Variants in UNC5C observed in about 807,000 individuals in gnomAD.
UNC5C encodes the protein netrin receptor UNC5C.
Under a neutral mutation model 99.8 loss-of-function variants are expected in UNC5C, and 47 were observed. The ratio of observed to expected loss-of-function variants is 0.47; its 90% CI spans 0.37 to 0.60. UNC5C has a LOEUF of 0.60. Among genes scored for constraint, UNC5C ranks in the 20% least tolerant of loss-of-function variants. UNC5C has a pLI of 0.00. For missense variants in UNC5C, 1,062 were observed against 1,165.9 expected, an observed-to-expected ratio of 0.91 and a Z score of 1.30; for synonymous variants, 487 against 452.2, an observed-to-expected ratio of 1.08 and a Z score of -0.98.
chr4:95,539,282 G>C (rs1044167634), intron 1 of UNC5C, among the ~76,000 whole-genome samples: 1 of 152,142 alleles, frequency 6.6e-6, no homozygotes, highest in South Asian at 2.1e-4. Flanking sequence ...TCTCCTCCAC[G>C]GCTTTGAAAC....
chr4:95,207,548 T>C (rs1355175961), intron 10 of UNC5C, among the ~76,000 whole-genome samples: 2 of 152,164 alleles, frequency 1.3e-5, no homozygotes, highest in Admixed American at 1.3e-4. Context: ...TGTGAAGATA[T>C]AGTTCCAAAG....
intron 1 of UNC5C, among the ~76,000 whole-genome samples, chr4:95,394,987 T>G (rs1032277017): frequency 1.3e-5 from 2 of 152,202 alleles, no homozygotes; most frequent in African/African-American, 4.8e-5. Flanking sequence ...GTAGGTCAAC[T>G]AGAATTAACT....
chr4:95,374,807 C>T (rs1744845272), intron 1 of UNC5C, among the ~76,000 whole-genome samples: 1 of 151,856 alleles, frequency 6.6e-6, no homozygotes, highest in Non-Finnish European at 1.5e-5. Context: ...ATGAAAGAAG[C>T]AGAAAAGTAT....
At chr4:95,345,298 G>A (rs1743729920) in intron 1 of UNC5C, among the ~76,000 whole-genome samples, 1 of 151,818 alleles carries the variant, frequency 6.6e-6, no homozygotes. Flanking sequence ...TTCAGCAAGA[G>A]GGCATAACAA....
At chr4:95,536,665 C>T (rs1722790935) in intron 1 of UNC5C, among the ~76,000 whole-genome samples, 1 of 151,776 alleles carries the variant, frequency 6.6e-6, no homozygotes, top group Admixed American at 6.6e-5. Flanking sequence ...TTATGCAATA[C>T]AAAAGGAAAA....
chr4:95,389,030 AAAGCTGCCCT>A (rs926801856), intron 1 of UNC5C, among the ~76,000 whole-genome samples: 6 of 152,298 alleles, frequency 3.9e-5, no homozygotes, highest in African/African-American at 1.4e-4. Context: ...AATGCTGCAA[AAAGCTGCCCT>A]AAGCATATTC....
At chr4:95,415,983 C>T (rs947459030) in intron 1 of UNC5C, among the ~76,000 whole-genome samples, 1 of 151,648 alleles carries the variant, frequency 6.6e-6, no homozygotes, top group Non-Finnish European at 1.5e-5. Context: ...TCCCCAACTT[C>T]AAAGCTAATC....
chr4:95,525,011 A>G (rs541654198), intron 1 of UNC5C, among the ~76,000 whole-genome samples: 1 of 152,278 alleles, frequency 6.6e-6, no homozygotes, highest in South Asian at 2.1e-4. Context: ...AAATGATGCC[A>G]AATTAATGGG....
intron 3 of UNC5C, among the ~76,000 whole-genome samples, chr4:95,299,688 G>C (rs1198052986): frequency 6.6e-6 from 1 of 152,158 alleles, no homozygotes; most frequent in Admixed American, 6.5e-5. Context: ...CATGGTGGCA[G>C]GCAAGAGGGC....
At chr4:95,199,269 C>G (rs12646399) in intron 12 of UNC5C, among the ~76,000 whole-genome samples, 4 of 152,222 alleles carry the variant, frequency 2.6e-5, no homozygotes, top group African/African-American at 9.6e-5. Context: ...GCTTTTTGAG[C>G]TAATCAGCCC....
At chr4:95,521,197 T>C (rs369704226) in intron 1 of UNC5C, among the ~76,000 whole-genome samples, 6 of 130,938 alleles carry the variant, frequency 4.6e-5, no homozygotes, top group African/African-American at 2.0e-4. Context: ...TCTCTTCTTC[T>C]TCTTTTTTTT....
intron 10 of UNC5C, among the ~76,000 whole-genome samples, chr4:95,212,777 C>A (rs2149364851): frequency 6.6e-6 from 1 of 152,352 alleles, no homozygotes; most frequent in Non-Finnish European, 1.5e-5. Context: ...GTGCCCCAGG[C>A]TTGATTCTTG....
rs759996197 is a variant in UNC5C, at chr4:95,220,191, G to A, written c.1109-15C>T. 5.0e-6 allele frequency: 8 copies of A among 1,604,270 alleles called. No homozygotes were observed. The highest frequency in any genetic ancestry group is 5.1e-6 in the Non-Finnish European group (6 of 1,174,230). ...ATCAGGAGCAGCTAGAGAGGAGAGT[G>A]AAACATTGAACCAGCTGCTTATAGA... On this transcript the variant is annotated splice_polypyrimidine_tract_variant and intron_variant, in intron 7 of 15. Transcript: ENST00000453304.
chr4:95,354,126 T>C (rs1320647824), intron 1 of UNC5C, among the ~76,000 whole-genome samples: 1 of 152,172 alleles, frequency 6.6e-6, no homozygotes, highest in African/African-American at 2.4e-5. Context: ...TCTGTTTCTT[T>C]CTGTTTCGGA....
Position 95,163,239 on chromosome 4 carries a change from T to TA in UNC5C, c.*5994dup, listed in dbSNP as rs1285926265. On this transcript the variant is annotated 3_prime_UTR_variant, in exon 16 of 16. Coordinates refer to ENST00000453304, the MANE Select transcript of UNC5C (RefSeq NM_003728.4). ...CTGGAGGAGTAGACATCTGAGTTTT[T>TA]ACCCCTACATGTACAGATGCCATTT... 6.6e-6 allele frequency: 1 copy of TA among 152,228 alleles called. No individual in the cohort carries two copies. Among genetic ancestry groups the TA allele is most frequent in the African/African-American group, 2.4e-5 (1 of 41,464 alleles). The allele number at this position is 152,228 out of a possible 1,614,324, so 9.4% of individuals were successfully genotyped here. A position where few individuals can be genotyped will look rare whatever the true frequency, so the allele number is the denominator to read the frequency against.
intron 1 of UNC5C, among the ~76,000 whole-genome samples, chr4:95,370,147 G>A (rs1295022839): frequency 6.6e-6 from 1 of 152,156 alleles, no homozygotes; most frequent in Admixed American, 6.5e-5. Context: ...AAACTGAGAT[G>A]TGGCTTAAAT....
At chr4:95,277,160 AT>A (rs1296520766) in intron 4 of UNC5C, among the ~76,000 whole-genome samples, 1 of 152,302 alleles carries the variant, frequency 6.6e-6, no homozygotes, top group Non-Finnish European at 1.5e-5. Flanking sequence ...CATTAGTATT[AT>A]TTTTCCGTTT....
chr4:95,310,781 A>G (rs1432992901), intron 2 of UNC5C, among the ~76,000 whole-genome samples: 1 of 152,082 alleles, frequency 6.6e-6, no homozygotes, highest in Non-Finnish European at 1.5e-5. Context: ...TGAGAAGAAT[A>G]TTCACTGGAT....
At chr4:95,420,904 G>A (rs1222267138) in intron 1 of UNC5C, among the ~76,000 whole-genome samples, 2 of 152,134 alleles carry the variant, frequency 1.3e-5, no homozygotes, top group African/African-American at 4.8e-5. Flanking sequence ...CATGGGATTA[G>A]CACTTAAGAT....
Sources: allele counts gnomAD v4.1 joint callset (sites outside exome capture counted in the v4.1 genomes callset), GRCh38; gene constraint gnomAD v4.1.1; transcripts MANE v1.5; gene names NCBI Gene and HGNC (gene_info 2026-07-23, HGNC 2026-07-21).